Variants in UGT1A7 observed in about 807,000 individuals in gnomAD.
UGT1A7 encodes UDP-glucuronosyltransferase 1A7.
Under a neutral mutation model 45.6 loss-of-function variants are expected in UGT1A7, and 33 were observed. The observed-to-expected ratio is 0.72, with a 90% CI of 0.55 to 0.97. The LOEUF (loss-of-function observed/expected upper bound fraction) is 0.97. UGT1A7 is among the 50% of genes least tolerant of loss of function. The pLI is 0.00. For missense variants in UGT1A7, 684 were observed against 666.2 expected, an observed-to-expected ratio of 1.03 and a Z score of -0.29; for synonymous variants, 274 against 250.6, an observed-to-expected ratio of 1.09 and a Z score of -0.88.
In UGT1A7 at chr2:233,767,082, TTC is replaced by T; in HGVS notation, c.908_909del (p.Ser303PhefsTer18). ...NASGEHGIVV[F>X]SLGSMVSEIP... ...TTCTGGAGAACATGGAATTGTGGTTTTCTCTTTGGGATCAATGGTCTCAGAAA... is the reference window on the plus strand; with the variant it reads ...TTCTGGAGAACATGGAATTGTGGTTTTCTTTGGGATCAATGGTCTCAGAAA... On this transcript the variant is annotated frameshift_variant, in exon 2 of 5. Coordinates refer to ENST00000373426, the MANE Select transcript of UGT1A7 (RefSeq NM_019077.3). LOFTEE classifies it high-confidence loss of function. The T allele has an allele frequency of 6.2e-7, 1 of 1,614,166 alleles. No homozygotes were observed. The highest frequency in any genetic ancestry group is 8.5e-7 in the Non-Finnish European group (1 of 1,180,030).
chr2:233,726,266 G>A (rs1303281171), intron 1 of UGT1A7, among the ~76,000 whole-genome samples: 5 of 152,134 alleles, frequency 3.3e-5, no homozygotes, highest in East Asian at 1.9e-4. Context: ...AGTGGCATGC[G>A]CCTATGGTCC....
intron 1 of UGT1A7, chr2:233,760,312 C>A (rs370790922): frequency 6.2e-7 from 1 of 1,613,816 alleles, no homozygotes; most frequent in Non-Finnish European, 8.5e-7. Flanking sequence ...CCAGGGCGGA[C>A]GCCCACTTGT....
chr2:233,760,681 CACA>C (rs1697528171), intron 1 of UGT1A7: 4 of 1,614,246 alleles, frequency 2.5e-6, no homozygotes, highest in East Asian at 2.2e-5. Context: ...CCACTTACTG[CACA>C]ACAAGGAGCT....
intron 1 of UGT1A7, chr2:233,756,230 C>T (rs1280753131): frequency 1.3e-5 from 2 of 152,182 alleles, no homozygotes; most frequent in African/African-American, 4.8e-5. Context: ...TAGTTTAGGA[C>T]AACCCTCCTT....
At chr2:233,689,112 ACCACAAC>A (rs1381460618) in intron 1 of UGT1A7, among the ~76,000 whole-genome samples, 1 of 152,200 alleles carries the variant, frequency 6.6e-6, no homozygotes, top group Non-Finnish European at 1.5e-5. Flanking sequence ...TGCTCCTGGA[ACCACAAC>A]CCACATTGTT....
At chr2:233,768,544 T>C in intron 4 of UGT1A7, 105 bp downstream of exon 4, 1 of 1,425,890 alleles carries the variant, frequency 7.0e-7, no homozygotes, top group South Asian at 1.4e-5. Context: ...GTTTCAAATA[T>C]AAAAACAAAT....
At position 233,719,392 on chromosome 2, in the gene UGT1A7, C is replaced by T. The variant is rs776862495; in HGVS notation, c.855+36600C>T. The T allele has an allele frequency of 4.8e-5, 78 of 1,613,868 alleles. 1 individual carries two copies. Among genetic ancestry groups the T allele is most frequent in the Non-Finnish European group, 6.4e-5 (75 of 1,179,882 alleles). On this transcript the variant is annotated intron_variant, in intron 1 of 4. Coordinates refer to ENST00000373426, the MANE Select transcript of UGT1A7 (RefSeq NM_019077.3). Reference sequence around the variant, plus strand: ...AAGGGCACACAGTGTCCAAATCCTTCCTCCTATATTCCTAAGTTACTAACG... The same window carrying T: ...AAGGGCACACAGTGTCCAAATCCTTTCTCCTATATTCCTAAGTTACTAACG...
intron 1 of UGT1A7, among the ~76,000 whole-genome samples, chr2:233,699,368 G>A (rs1318815561): frequency 6.6e-6 from 1 of 152,136 alleles, no homozygotes; most frequent in African/African-American, 2.4e-5. Flanking sequence ...TATTGGTATG[G>A]CTAGATTTCA....
chr2:233,720,872 T>TTG (rs71694891), intron 1 of UGT1A7, among the ~76,000 whole-genome samples: 1 of 39,450 alleles, frequency 2.5e-5, no homozygotes, highest in African/African-American at 3.2e-4. Flanking sequence ...CTCCTGGCAA[T>TTG]TTTTTTTTTT....
rs62191899 is a variant in UGT1A7 at position 233,718,862 on chromosome 2, A to G, written c.855+36070A>G. On this transcript the variant is annotated intron_variant, in intron 1 of 4. Coordinates refer to ENST00000373426, the MANE Select transcript of UGT1A7 (RefSeq NM_019077.3). ...AGGTTCCCCTGCCGCGGCTGGCCACAGGACTGCTGCTCCTCCTCAGTGTCC... is the reference window on the plus strand; with the variant it reads ...AGGTTCCCCTGCCGCGGCTGGCCACGGGACTGCTGCTCCTCCTCAGTGTCC... 3,156 of 1,613,830 alleles carry G rather than the reference A, an allele frequency of 2.0e-3. 12 individuals carry two copies. The highest frequency in any genetic ancestry group is 2.2e-3 in the Non-Finnish European group (2,611 of 1,179,922).
intron 1 of UGT1A7, among the ~76,000 whole-genome samples, chr2:233,751,294 T>C (rs985259482): frequency 6.6e-6 from 1 of 151,990 alleles, no homozygotes; most frequent in African/African-American, 2.4e-5. Flanking sequence ...CCATTTGGAA[T>C]GGGAATATTT....
chr2:233,759,779 G>A (rs1697251285), intron 1 of UGT1A7, among the ~76,000 whole-genome samples: 1 of 152,188 alleles, frequency 6.6e-6, no homozygotes, highest in South Asian at 2.1e-4. Flanking sequence ...GTTGGACGAA[G>A]GAATGAAACA....
chr2:233,757,535 A>AATAAATATACATATACATATATAT (rs1553619837), intron 1 of UGT1A7, among the ~76,000 whole-genome samples: 10 of 88,300 alleles, frequency 1.1e-4, no homozygotes, highest in South Asian at 5.2e-4. Context: ...GCCTGTAAGG[A>AATAAATATACATATACATATATAT]ATATATATAT....
At chr2:233,700,275 TTTTAA>T (rs2075554148) in intron 1 of UGT1A7, among the ~76,000 whole-genome samples, 1 of 152,238 alleles carries the variant, frequency 6.6e-6, no homozygotes, top group African/African-American at 2.4e-5. Context: ...AATAGGCACT[TTTTAA>T]AATACGTGAC....
intron 1 of UGT1A7, among the ~76,000 whole-genome samples, chr2:233,716,135 T>C (rs758883944): frequency 1.1e-4 from 16 of 152,340 alleles, no homozygotes; most frequent in Middle Eastern, 3.4e-3. Flanking sequence ...TGGAATTCCA[T>C]GGCCCTTTTC....
intron 2 of UGT1A7, 113 bp downstream of exon 2, chr2:233,767,278 T>A: frequency 6.3e-7 from 1 of 1,578,298 alleles, no homozygotes; most frequent in Non-Finnish European, 8.5e-7. Flanking sequence ...GGCTTTTCCC[T>A]GCCACTTCCC....
chr2:233,690,689 C>A, intron 1 of UGT1A7: 1 of 1,253,178 alleles, frequency 8.0e-7, no homozygotes, highest in Non-Finnish European at 1.0e-6. Flanking sequence ...TCCAGCGGAG[C>A]TACTCTTTAG....
Position 233,682,724 on chromosome 2 carries a change from A to C in UGT1A7, c.787A>C (p.Lys263Gln). The C allele has an allele frequency of 6.2e-7, 1 of 1,613,894 alleles. No individual in the cohort carries two copies. The highest frequency in any genetic ancestry group is 1.1e-5 in the South Asian group (1 of 91,066). The change falls in exon 1 of 5, where the codon AAA becomes CAA. Residue 263 changes from lysine (K) to glutamine (Q), a missense_variant. Physicochemically the swap from Lys to Gln is moderately conservative, Grantham distance 53. Coordinates refer to ENST00000373426, the MANE Select transcript of UGT1A7 (RefSeq NM_019077.3). ...AACTGACTTTGTTTTGGAGTATCCC[A>C]AACCCGTGATGCCCAATATGATCTT... ...LRTDFVLEYP[K>Q]PVMPNMIFIG...
intron 1 of UGT1A7, among the ~76,000 whole-genome samples, chr2:233,707,521 GTTTTTC>G (rs2075966765): frequency 7.5e-6 from 1 of 134,020 alleles, no homozygotes; most frequent in Non-Finnish European, 1.6e-5. Context: ...GAATTTTACT[GTTTTTC>G]TTTGTCTTGC....
Sources: gnomAD v4.1 joint callset for allele counts (sites outside exome capture counted in the v4.1 genomes callset) on GRCh38, gnomAD v4.1.1 for gene constraint, MANE v1.5 for transcripts, NCBI Gene and HGNC (gene_info 2026-07-23, HGNC 2026-07-21) for gene names.